The following OTOGL variants were observed in gnomAD, a reference collection of about 807,000 sequenced individuals.
The protein encoded by OTOGL is otogelin like.
OTOGL carries 285 observed loss-of-function variants against 318.5 expected under a neutral mutation model. The observed-to-expected ratio is 0.89, with a 90% CI of 0.81 to 0.99. OTOGL has a LOEUF of 0.99. Among genes scored for constraint, OTOGL ranks in the 50% least tolerant of loss-of-function variants. The pLI is 0.00. For synonymous variants in OTOGL, 987 were observed against 936.5 expected, an observed-to-expected ratio of 1.05 and a Z score of -0.99; for missense variants, 2,899 against 2,845.6, an observed-to-expected ratio of 1.02 and a Z score of -0.43.
At chr12:80,249,330 C>G (rs1213433611) in intron 11 of OTOGL, among the ~76,000 whole-genome samples, 1 of 151,592 alleles carries the variant, frequency 6.6e-6, no homozygotes, top group African/African-American at 2.4e-5. Flanking sequence ...TGGTGATATA[C>G]AGATGGGTTT....
chr12:80,278,332 T>G, intron 25 of OTOGL, 57 bp downstream of exon 25: 1 of 1,318,166 alleles, frequency 7.6e-7, no homozygotes, highest in Non-Finnish European at 1.1e-6. Context: ...TAAATTTCAA[T>G]CATCTTTTAT....
intron 1 of OTOGL, among the ~76,000 whole-genome samples, chr12:80,106,674 CGTAAT>C (rs1869474419): frequency 6.6e-6 from 1 of 152,070 alleles, no homozygotes; most frequent in African/African-American, 2.4e-5. Flanking sequence ...TACTAGTACT[CGTAAT>C]GTATGATTCT....
At chr12:80,129,612 T>A (rs1871110740) in intron 1 of OTOGL, among the ~76,000 whole-genome samples, 1 of 152,184 alleles carries the variant, frequency 6.6e-6, no homozygotes. Flanking sequence ...CTATCTCATT[T>A]TTTTTTTCTT....
At chr12:80,225,853 A>G (rs11833553) in intron 7 of OTOGL, among the ~76,000 whole-genome samples, 3,369 of 152,164 alleles carry the variant, frequency 0.022, 130 homozygotes, top group African/African-American at 0.076. Context: ...TATCATACAG[A>G]TATCCTTATC....
chr12:80,140,555 AC>A (rs1361780132), intron 1 of OTOGL, among the ~76,000 whole-genome samples: 3 of 152,196 alleles, frequency 2.0e-5, no homozygotes, highest in African/African-American at 7.2e-5. Flanking sequence ...AATTAGAGTA[AC>A]TGGGTTAATG....
intron 26 of OTOGL, among the ~76,000 whole-genome samples, chr12:80,282,112 T>C (rs57566193): frequency 0.18 from 27,908 of 151,828 alleles, 3,114 homozygotes; most frequent in African/African-American, 0.3. Context: ...ATTTTAGGCA[T>C]TACTGATCAC....
rs1890822162 is a variant in OTOGL, at chr12:80,370,639, C to T, written c.6685C>T (p.Leu2229=). The T allele has an allele frequency of 6.3e-7, 1 of 1,595,856 alleles. No homozygotes were observed. The change falls in exon 56 of 59, where the codon CTG becomes TTG. Residue 2229 remains leucine (L), a synonymous_variant. Transcript: ENST00000547103. ...TAAAACTGATGAAGGAGCAATAATT[C>T]TGAACTACACAATGGTCTGTCCCCC... is the stretch of plus-strand genomic sequence containing the variant. ...CVKTDEGAII[L]NYTMVCPPFN...
intron 1 of OTOGL, among the ~76,000 whole-genome samples, chr12:80,193,175 A>G (rs937711333): frequency 1.3e-5 from 2 of 152,182 alleles, no homozygotes; most frequent in East Asian, 3.8e-4. Flanking sequence ...AAGGAACTTC[A>G]GAACTTCATT....
At chr12:80,312,181 T>A (rs563508520) in intron 30 of OTOGL, among the ~76,000 whole-genome samples, 1 of 152,352 alleles carries the variant, frequency 6.6e-6, no homozygotes. Context: ...GATATTAAAG[T>A]ACTCCTTCCT....
intron 6 of OTOGL, among the ~76,000 whole-genome samples, chr12:80,221,815 CT>C (rs1213054576): frequency 9.9e-5 from 15 of 152,080 alleles, no homozygotes; most frequent in Non-Finnish European, 1.9e-4. Context: ...TTCCATACTC[CT>C]TTTTTTCTTC....
At position 80,265,172 on chromosome 12, in the gene OTOGL, GT is replaced by G; in HGVS notation, c.2187del (p.Val730PhefsTer100). 3 of 1,613,782 alleles carry G rather than the reference GT, an allele frequency of 1.9e-6. No homozygotes were observed. Among genetic ancestry groups the G allele is most frequent in the Non-Finnish European group, 2.5e-6 (3 of 1,179,838 alleles). ...TATGCCTACCTCTGCGGCCAGCACG[GT>G]GTTCCCATTGATTTCAGAACTCAGA... ...AHYAYLCGQH[G>X]VPIDFRTQIS... On this transcript the variant is annotated frameshift_variant, in exon 20 of 59. Coordinates refer to ENST00000547103, the MANE Select transcript of OTOGL (RefSeq NM_001378609.3). LOFTEE classifies it high-confidence loss of function.
At chr12:80,239,277 A>C (rs1018408972) in intron 10 of OTOGL, 56 bp from the exon 11 acceptor site, 16 of 1,294,636 alleles carry the variant, frequency 1.2e-5, no homozygotes, top group African/African-American at 3.0e-5. Flanking sequence ...AAATAATAGA[A>C]GACTATACAC....
chr12:80,143,824 T>G (rs1475555507), intron 1 of OTOGL, among the ~76,000 whole-genome samples: 2 of 152,170 alleles, frequency 1.3e-5, no homozygotes, highest in Non-Finnish European at 2.9e-5. Flanking sequence ...CTATTTTATT[T>G]ATAGAATAGT....
chr12:80,322,709 A>C (rs945499136), intron 34 of OTOGL, among the ~76,000 whole-genome samples: 5 of 152,148 alleles, frequency 3.3e-5, no homozygotes. Flanking sequence ...GTATTAGCAG[A>C]CCTTGCAGGA....
chr12:80,230,939 T>A (rs1370436947), intron 8 of OTOGL, among the ~76,000 whole-genome samples: 1 of 152,220 alleles, frequency 6.6e-6, no homozygotes, highest in Non-Finnish European at 1.5e-5. Flanking sequence ...TATTGTCTAG[T>A]TTAAACTATT....
chr12:80,341,981 G>C lies in OTOGL; in HGVS notation c.5084G>C (p.Arg1695Thr). The change falls in exon 44 of 59, where the codon AGG (arginine) becomes ACG (threonine). Residue 1695 changes from arginine (R) to threonine (T), a missense_variant. Transcript: ENST00000547103. ...ICNEDPDDDLRMQNGTIITNM... is the reference protein window; with the variant it reads ...ICNEDPDDDLTMQNGTIITNM... Reference sequence around the variant, plus strand: ...AATGAAGATCCGGATGATGATCTAAGGATGCAAAATGGCACAATTATTACA... The same window carrying C: ...AATGAAGATCCGGATGATGATCTAACGATGCAAAATGGCACAATTATTACA... The C allele has an allele frequency of 1.2e-6, 2 of 1,608,256 alleles. No homozygotes were observed.
intron 1 of OTOGL, among the ~76,000 whole-genome samples, chr12:80,116,978 C>T (rs1592464942): frequency 6.6e-6 from 1 of 152,156 alleles, no homozygotes; most frequent in African/African-American, 2.4e-5. Flanking sequence ...GGGCTCTATG[C>T]TCCAGTGGCA....
At chr12:80,197,063 A>G (rs1346340121) in intron 1 of OTOGL, among the ~76,000 whole-genome samples, 1 of 152,216 alleles carries the variant, frequency 6.6e-6, no homozygotes, top group Non-Finnish European at 1.5e-5. Context: ...TTTGGTGTCC[A>G]CAACCTCTTA....
intron 21 of OTOGL, 104 bp downstream of exon 21, chr12:80,266,720 G>T: frequency 4.4e-6 from 5 of 1,132,826 alleles, no homozygotes; most frequent in Non-Finnish European, 6.1e-6. Context: ...ATTTCTTATT[G>T]TCTTTACTTT....
Sources: gnomAD v4.1 joint callset for allele counts (sites outside exome capture counted in the v4.1 genomes callset) on GRCh38, gnomAD v4.1.1 for gene constraint, MANE v1.5 for transcripts, NCBI Gene and HGNC (gene_info 2026-07-23, HGNC 2026-07-21) for gene names.